FGFRL1: variants seen among roughly 807,000 people sequenced by gnomAD.
FGFRL1 encodes fibroblast growth factor receptor like 1.
In FGFRL1, 24 loss-of-function variants were observed where a neutral mutation model predicts 36.8. The observed-to-expected ratio is 0.65, with a 90% CI of 0.47 to 0.92. FGFRL1 has a LOEUF of 0.92. Ranked by LOEUF, FGFRL1 falls within the 40% of genes least tolerant of loss-of-function variation. The pLI, the probability that FGFRL1 is intolerant of heterozygous loss-of-function variation, is 0.00. For missense variants in FGFRL1, 785 were observed against 753.4 expected (o/e 1.04, Z -0.49); for synonymous variants, 422 against 344.1 (o/e 1.23, Z -2.50).
At chr4:1,020,066 G>T (rs144793356) in intron 2 of FGFRL1, among the ~76,000 whole-genome samples, 1,769 of 152,368 alleles carry the variant, frequency 0.012, 28 homozygotes, top group Non-Finnish European at 0.019. Context: ...GGGATTCTCT[G>T]TGAGGGTCCC....
intron 2 of FGFRL1, among the ~76,000 whole-genome samples, chr4:1,017,178 C>T (rs907662060): frequency 6.6e-6 from 1 of 152,176 alleles, no homozygotes; most frequent in Non-Finnish European, 1.5e-5. Context: ...ACCCCCACCC[C>T]GTGGCCAGGT....
chr4:1,023,539 G>C lies in FGFRL1; in HGVS notation c.353-102G>C, dbSNP rs1577569054. 3 of 1,097,862 alleles carry C rather than the reference G, an allele frequency of 2.7e-6. No homozygotes were observed. The South Asian group carries it at 4.1e-5, about 15-fold the overall frequency. The allele number at this position is 1,097,862 out of a possible 1,614,324, so 68.0% of individuals were successfully genotyped here. On this transcript the variant is annotated intron_variant, in intron 3 of 6. Coordinates refer to ENST00000510644, the MANE Select transcript of FGFRL1 (RefSeq NM_001004356.3). The surrounding 1 kb of genome is among the most constrained non-coding windows in gnomAD (Gnocchi z 6.0). Reference sequence around the variant, plus strand: ...GCCCCCTGCCTGGGTGTCCAGGGCTGTCCCGGCTGGGGCTGGGGGAGCTAG... The same window carrying C: ...GCCCCCTGCCTGGGTGTCCAGGGCTCTCCCGGCTGGGGCTGGGGGAGCTAG...
intron 1 of FGFRL1, chr4:1,012,180 C>A: frequency 3.9e-6 from 1 of 258,702 alleles, no homozygotes. Flanking sequence ...CGATTATCTG[C>A]GGGGCGCTGA....
chr4:1,014,102 C>T (rs1240091282), intron 2 of FGFRL1, among the ~76,000 whole-genome samples: 1 of 152,346 alleles, frequency 6.6e-6, no homozygotes, highest in East Asian at 1.9e-4. Context: ...GCCCACTGTG[C>T]ACCTTCGTTA....
rs949852102 is a variant in FGFRL1 at position 1,023,086 on chromosome 4, C to T, written c.353-555C>T. On this transcript the variant is annotated intron_variant, in intron 3 of 6. Coordinates refer to ENST00000510644, the MANE Select transcript of FGFRL1 (RefSeq NM_001004356.3). The surrounding 1 kb of genome is among the most constrained non-coding windows in gnomAD (Gnocchi z 6.0). ...GTTTTCTGAATACAGGAGCCTGGCC[C>T]AGGCCCCAGCAGGGTCTGGGGGTGC... Among the ~76,000 whole-genome samples, 1 of 152,058 alleles carries T rather than the reference C, an allele frequency of 6.6e-6. No individual in the cohort carries two copies. The highest frequency in any genetic ancestry group is 1.5e-5 in the Non-Finnish European group (1 of 67,958).
At chr4:1,021,599 C>T (rs1429391359) in intron 2 of FGFRL1, among the ~76,000 whole-genome samples, 1 of 152,200 alleles carries the variant, frequency 6.6e-6, no homozygotes, top group African/African-American at 2.4e-5. Context: ...CTCTCATCCA[C>T]ACATTGCACA....
Position 1,023,629 on chromosome 4 carries a change from G to C in FGFRL1, c.353-12G>C. On this transcript the variant is annotated splice_polypyrimidine_tract_variant and intron_variant, in intron 3 of 6. Transcript: ENST00000510644. This position sits in a 1 kb window ranked among gnomAD's most constrained non-coding sequence, Gnocchi z 6.0. ...TCACCTGCCCTCCCTGTGCACCTCC[G>C]TCTCTCTGCAGATGACATTAGCCCA... 6.3e-7 allele frequency: 1 copy of C among 1,594,278 alleles called. No individual in the cohort carries two copies. The highest frequency in any genetic ancestry group is 8.5e-7 in the Non-Finnish European group (1 of 1,172,638).
At chr4:1,014,927 C>G (rs948274969) in intron 2 of FGFRL1, among the ~76,000 whole-genome samples, 1 of 152,226 alleles carries the variant, frequency 6.6e-6, no homozygotes, top group Admixed American at 6.5e-5. Context: ...AAACGCCGAC[C>G]GCAGACTCCT....
intron 2 of FGFRL1, among the ~76,000 whole-genome samples, chr4:1,018,141 G>C (rs1164651421): frequency 6.6e-6 from 1 of 152,180 alleles, no homozygotes; most frequent in South Asian, 2.1e-4. Flanking sequence ...GCCGCAGGGG[G>C]TTCCTGCCTC....
chr4:1,012,591 G>A, intron 2 of FGFRL1, 27 bp downstream of exon 2: 1 of 1,152,260 alleles, frequency 8.7e-7, no homozygotes, highest in Non-Finnish European at 1.2e-6. Flanking sequence ...AGCCCGGCCA[G>A]CCTGGCCTCC....
rs778280412 is a variant in FGFRL1 at position 1,024,591 on chromosome 4, G to A, written c.999G>A (p.Ala333=). ...LLITRARQDD[A]GMYICLGANT... is the part of the protein sequence containing the mutation. ...TCACCCGTGCCCGCCAGGACGATGC[G>A]GGCATGTACATCTGCCTTGGCGCCA... Residue 333 remains alanine, a synonymous_variant, in exon 6 of 7, where the codon GCG becomes GCA. Coordinates refer to ENST00000510644, the MANE Select transcript of FGFRL1 (RefSeq NM_001004356.3). The A allele has an allele frequency of 4.6e-5, 74 of 1,612,162 alleles. 1 individual carries two copies. Among genetic ancestry groups the A allele is most frequent in the South Asian group, 8.8e-5 (8 of 91,082 alleles).
At position 1,022,203 on chromosome 4, in the gene FGFRL1, GC is replaced by G; in HGVS notation, c.86del (p.Pro29GlnfsTer32). The G allele has an allele frequency of 6.6e-7, 1 of 1,523,604 alleles. No homozygotes were observed. The highest frequency in any genetic ancestry group is 8.8e-7 in the Non-Finnish European group (1 of 1,133,840). The allele number at this position is 1,523,604 out of a possible 1,614,324, so 94.4% of individuals were successfully genotyped here. On this transcript the variant is annotated frameshift_variant and splice_region_variant, in exon 3 of 7. Coordinates refer to ENST00000510644, the MANE Select transcript of FGFRL1 (RefSeq NM_001004356.3). LOFTEE classifies it high-confidence loss of function. ...GACTGTTCCTCGGTCCCACCCGCAGGCCCCCCAAAGATGGCGGACAAGGTGG... is the reference window on the plus strand; with the variant it reads ...GACTGTTCCTCGGTCCCACCCGCAGGCCCCCAAAGATGGCGGACAAGGTGG... ...GAFPPAAAAR[G>X]PPKMADKVVP... is the part of the protein sequence containing the mutation.
Position 1,024,484 on chromosome 4 carries a change from G to T in FGFRL1, c.892G>T (p.Val298Leu). Residue 298 changes from valine (V) to leucine (L), a missense_variant, in exon 6 of 7, where the codon GTG becomes TTG. Coordinates refer to ENST00000510644, the MANE Select transcript of FGFRL1 (RefSeq NM_001004356.3). The part of the protein sequence containing the change: ...AEGRHNSTID[V>L]GGQKFVVLPT... Reference sequence around the variant, plus strand: ...GGGCCGCCACAACTCCACCATCGATGTGGGCGGCCAGAAGTTTGTGGTGCT... The same window carrying T: ...GGGCCGCCACAACTCCACCATCGATTTGGGCGGCCAGAAGTTTGTGGTGCT... The T allele has an allele frequency of 1.9e-6, 3 of 1,612,574 alleles. No homozygotes were observed. Among genetic ancestry groups the T allele is most frequent in the Non-Finnish European group, 2.5e-6 (3 of 1,179,858 alleles).
chr4:1,022,542 G>T, intron 3 of FGFRL1, 67 bp downstream of exon 3: 1 of 1,509,050 alleles, frequency 6.6e-7, no homozygotes, highest in Non-Finnish European at 8.9e-7. Context: ...GCAGGAGGGC[G>T]GACGGGGACA....
At chr4:1,024,884 C>A in intron 6 of FGFRL1, 21 bp from the exon 7 acceptor site, 3 of 1,569,556 alleles carry the variant, frequency 1.9e-6, no homozygotes, top group African/African-American at 1.3e-5. Flanking sequence ...CTCCCTACCT[C>A]CTTTCCTCTC....
rs1329991173 is a variant in FGFRL1, at chr4:1,025,788, GAC to G, written c.*448_*449del. 5 of 223,642 alleles carry G rather than the reference GAC, an allele frequency of 2.2e-5. No homozygotes were observed. The highest frequency in any genetic ancestry group is 5.5e-5 in the Admixed American group (1 of 18,206). 13.9% of individuals were successfully genotyped at this position (223,642 alleles called of 1,614,324 possible). ...CACACACGTGCAGATATGGTATCCG[GAC>G]ACACACGTGCACAGATATGCTGCCT... is the stretch of plus-strand genomic sequence containing the variant. On this transcript the variant is annotated 3_prime_UTR_variant, in exon 7 of 7. Transcript: ENST00000510644.
At position 1,022,361 on chromosome 4, in the gene FGFRL1, C is replaced by A. The variant is rs1376161868; in HGVS notation, c.238C>A (p.Leu80Met). The change falls in exon 3 of 7, where the codon CTG becomes ATG. Residue 80 changes from leucine (L) to methionine (M), a missense_variant. Physicochemically the swap from Leu to Met is conservative, Grantham distance 15. Transcript: ENST00000510644. The stretch of plus-strand genomic sequence containing the variant: ...CAGCGGCTGGAGCCGCTTCCGCGTG[C>A]TGCCGCAGGGGCTGAAGGTGAAGCA... ...IHSGWSRFRV[L>M]PQGLKVKQVE... is the part of the protein sequence containing the mutation. The A allele has an allele frequency of 4.4e-6, 7 of 1,609,110 alleles. No individual in the cohort carries two copies. Among genetic ancestry groups the A allele is most frequent in the Non-Finnish European group, 5.9e-6 (7 of 1,178,618 alleles).
rs1041966247 is a variant in FGFRL1 at position 1,025,251 on chromosome 4, A to G, written c.1419A>G (p.Lys473=). The change falls in exon 7 of 7, where the codon AAA becomes AAG. Residue 473 remains lysine, a synonymous_variant. Transcript: ENST00000510644. ...TTGCTGGCCCTAAGTTGTACCCCAA[A>G]CTCTACACAGACATCCACACACACA... is the stretch of plus-strand genomic sequence containing the variant. ...GPVAGPKLYP[K]LYTDIHTHTH... The G allele has an allele frequency of 2.5e-6, 4 of 1,606,654 alleles. No individual in the cohort carries two copies. Among genetic ancestry groups the G allele is most frequent in the African/African-American group, 1.3e-5 (1 of 74,642 alleles).
chr4:1,012,576 C>A lies in FGFRL1; in HGVS notation c.79+12C>A. On this transcript the variant is annotated intron_variant, in intron 2 of 6. Transcript: ENST00000510644. ...CGCCGCCGCCCGAGGTGAGTTCTGG[C>A]GCCCAGCCCGGCCAGCCTGGCCTCC... 7.6e-7 allele frequency: 1 copy of A among 1,319,540 alleles called. No individual in the cohort carries two copies. The highest frequency in any genetic ancestry group is 1.0e-6 in the Non-Finnish European group (1 of 983,706). 81.7% of individuals were successfully genotyped at this position (1,319,540 alleles called of 1,614,324 possible).
Sources: allele counts gnomAD v4.1 joint callset (sites outside exome capture counted in the v4.1 genomes callset), GRCh38; gene constraint gnomAD v4.1.1; non-coding constraint Gnocchi (gnomAD v3.1); transcripts MANE v1.5; gene names NCBI Gene and HGNC (gene_info 2026-07-23, HGNC 2026-07-21).